The following DNM3 variants were observed in gnomAD, a reference collection of about 807,000 sequenced individuals.
DNM3 encodes dynamin-3.
DNM3 carries 47 observed loss-of-function variants against 101.6 expected under a neutral mutation model. The ratio of observed to expected loss-of-function variants is 0.46; its 90% CI spans 0.37 to 0.59. The LOEUF is 0.59. Ranked by LOEUF, DNM3 falls within the 20% of genes least tolerant of loss-of-function variation. The probability of loss-of-function intolerance (pLI) is 0.00; values close to 1 mark genes in which losing one functional copy is unlikely to be tolerated. For missense variants in DNM3, 849 were observed against 1,085.7 expected, an observed-to-expected ratio of 0.78 and a Z score of 3.06; for synonymous variants, 385 against 387.9, an observed-to-expected ratio of 0.99 and a Z score of 0.09.
chr1:172,132,617 G>C (rs1384803075), intron 14 of DNM3, among the ~76,000 whole-genome samples: 1 of 151,980 alleles, frequency 6.6e-6, no homozygotes, highest in Non-Finnish European at 1.5e-5. Context: ...ATTTCTATTA[G>C]ATATATTTTC....
intron 14 of DNM3, among the ~76,000 whole-genome samples, chr1:172,247,895 G>A (rs2062022205): frequency 6.6e-6 from 1 of 151,966 alleles, no homozygotes; most frequent in Non-Finnish European, 1.5e-5. Context: ...ATGTTGGCCA[G>A]GTGGTCTCAA....
intron 1 of DNM3, among the ~76,000 whole-genome samples, chr1:171,855,434 G>T (rs2033493913): frequency 6.6e-6 from 1 of 152,148 alleles, no homozygotes; most frequent in African/African-American, 2.4e-5. Flanking sequence ...TCTGCTTTTA[G>T]TTCTTTGAGG....
intron 15 of DNM3, among the ~76,000 whole-genome samples, chr1:172,283,759 C>CAAAAAAA (rs769812358): frequency 9.9e-5 from 4 of 40,268 alleles, no homozygotes; most frequent in African/African-American, 2.8e-4. Context: ...GACTCCATCT[C>CAAAAAAA]AAAAAAAAAA....
At chr1:172,286,386 C>A (rs2063703174) in intron 15 of DNM3, among the ~76,000 whole-genome samples, 1 of 152,116 alleles carries the variant, frequency 6.6e-6, no homozygotes, top group South Asian at 2.1e-4. Context: ...CATTCCACTC[C>A]TTTCATTGCT....
intron 17 of DNM3, among the ~76,000 whole-genome samples, chr1:172,325,862 C>T (rs1396434789): frequency 6.6e-6 from 1 of 152,156 alleles, no homozygotes; most frequent in Non-Finnish European, 1.5e-5. Context: ...GACTCTAGAG[C>T]AAATGAAGTC....
intron 14 of DNM3, among the ~76,000 whole-genome samples, chr1:172,163,334 G>A (rs1436981864): frequency 6.6e-6 from 1 of 151,666 alleles, no homozygotes; most frequent in Non-Finnish European, 1.5e-5. Flanking sequence ...CATCTCCTGG[G>A]TTCAAGCCAT....
intron 16 of DNM3, among the ~76,000 whole-genome samples, chr1:172,315,227 A>G (rs1230992589): frequency 6.6e-6 from 1 of 152,212 alleles, no homozygotes; most frequent in Non-Finnish European, 1.5e-5. Context: ...CATCCACACC[A>G]AAAACCCATC....
At chr1:172,271,759 A>C (rs2063096343) in intron 15 of DNM3, among the ~76,000 whole-genome samples, 1 of 152,108 alleles carries the variant, frequency 6.6e-6, no homozygotes, top group East Asian at 1.9e-4. Context: ...CTTTAAATGG[A>C]TCTTTTACTT....
At chr1:171,878,193 C>T (rs935008983) in intron 1 of DNM3, among the ~76,000 whole-genome samples, 15 of 151,936 alleles carry the variant, frequency 9.9e-5, no homozygotes, top group African/African-American at 3.6e-4. Flanking sequence ...TTACTAACAG[C>T]TTGCAGAAGC....
At chr1:172,358,918 A>G (rs1481768800) in intron 17 of DNM3, among the ~76,000 whole-genome samples, 1 of 151,680 alleles carries the variant, frequency 6.6e-6, no homozygotes, top group Non-Finnish European at 1.5e-5. Flanking sequence ...AGCCACAGAC[A>G]GAGTAGTCGG....
chr1:172,114,629 C>T (rs1334506753), intron 13 of DNM3, among the ~76,000 whole-genome samples: 1 of 152,154 alleles, frequency 6.6e-6, no homozygotes, highest in African/African-American at 2.4e-5. Context: ...TTATATAATG[C>T]TATATTCTGG....
At chr1:171,922,154 T>TGTGTGC (rs892285004) in intron 2 of DNM3, among the ~76,000 whole-genome samples, 2 of 68,808 alleles carry the variant, frequency 2.9e-5, no homozygotes, top group East Asian at 6.7e-4. Context: ...TGTGTGTGTG[T>TGTGTGC]GCGTATGTGT....
At chr1:171,877,049 T>G (rs1409519574) in intron 1 of DNM3, among the ~76,000 whole-genome samples, 2 of 152,220 alleles carry the variant, frequency 1.3e-5, no homozygotes, top group African/African-American at 4.8e-5. Context: ...TTCTATTTAC[T>G]GACTTAAATG....
At chr1:172,237,590 G>A (rs1050813479) in intron 14 of DNM3, among the ~76,000 whole-genome samples, 6 of 152,106 alleles carry the variant, frequency 3.9e-5, no homozygotes, top group African/African-American at 1.4e-4. Flanking sequence ...CTTGGGTAAT[G>A]TACAAATATC....
At chr1:171,996,391 T>C (rs886424841) in intron 4 of DNM3, among the ~76,000 whole-genome samples, 2 of 152,154 alleles carry the variant, frequency 1.3e-5, no homozygotes, top group Non-Finnish European at 2.9e-5. Context: ...GAGGTTGGTA[T>C]GGGTGAGATC....
chr1:172,198,708 T>TA (rs2060044337), intron 14 of DNM3, among the ~76,000 whole-genome samples: 1 of 152,132 alleles, frequency 6.6e-6, no homozygotes, highest in Admixed American at 6.6e-5. Context: ...ATAGAGGTGT[T>TA]AGTAGTCGTT....
intron 10 of DNM3, among the ~76,000 whole-genome samples, chr1:172,061,866 A>G: frequency 6.6e-6 from 1 of 151,608 alleles, no homozygotes; most frequent in East Asian, 1.9e-4. Flanking sequence ...GAAAAAAATT[A>G]AAAAAAAAGA....
At chr1:172,417,101 C>T (rs1417434711), downstream of DNM3, among the ~76,000 whole-genome samples, 1 of 151,568 alleles carries the variant, frequency 6.6e-6, no homozygotes, top group Non-Finnish European at 1.5e-5. Flanking sequence ...TTTTTATAGA[C>T]TTCATTGCTC....
chr1:171,921,603 T>G, intron 1 of DNM3, 145 bp from the exon 2 acceptor site: 3 of 642,872 alleles, frequency 4.7e-6, no homozygotes, highest in South Asian at 2.1e-5. Context: ...AAATGCTTCT[T>G]TTATTAAGAT....
Sources: gnomAD v4.1 joint callset for allele counts (sites outside exome capture counted in the v4.1 genomes callset) on GRCh38, gnomAD v4.1.1 for gene constraint, MANE v1.5 for transcripts, NCBI Gene and HGNC (gene_info 2026-07-23, HGNC 2026-07-21) for gene names.